The following GCNT2 variants were observed in gnomAD, a reference collection of about 807,000 sequenced individuals.
GCNT2 encodes the protein glucosaminyl (N-acetyl) transferase 2 (I blood group), also known as N-acetyllactosaminide beta-1,6-N-acetylglucosaminyl-transferase.
In GCNT2, 34 loss-of-function variants were observed where a neutral mutation model predicts 34.2. The observed-to-expected ratio is 1.00, with a 90% CI of 0.76 to 1.32. The LOEUF is 1.32. GCNT2 is among the 40% of genes most tolerant of loss of function. The probability of loss-of-function intolerance (pLI) is 0.00; values close to 1 mark genes in which losing one functional copy is unlikely to be tolerated. For synonymous variants in GCNT2, 212 were observed against 188.0 expected, an observed-to-expected ratio of 1.13 and a Z score of -1.04; for missense variants, 584 against 489.4, an observed-to-expected ratio of 1.19 and a Z score of -1.82.
rs112275578 is a variant in GCNT2 at position 10,561,462 on chromosome 6, T to C, written c.925+31626T>C. Among the ~76,000 whole-genome samples the C allele has an allele frequency of 6.1e-4, 93 of 152,340 alleles. 2 individuals are homozygous for C. In the South Asian group the frequency reaches 0.013, roughly 21 times the overall value. On this transcript the variant is annotated intron_variant, in intron 3 of 4. Coordinates refer to ENST00000495262, the MANE Select transcript of GCNT2 (RefSeq NM_145649.5). The stretch of plus-strand genomic sequence containing the variant: ...CAGGTATGAACCACTGTGCCTGGCT[T>C]TTGCAGCATTTTCATCTGCCTATCT...
At chr6:10,572,375 G>C (rs1019587573) in intron 3 of GCNT2, among the ~76,000 whole-genome samples, 3 of 152,092 alleles carry the variant, frequency 2.0e-5, no homozygotes, top group African/African-American at 7.2e-5. Context: ...CATTTATAAC[G>C]CTTTTCCCAT....
chr6:10,535,756 G>A (rs1669837562), intron 3 of GCNT2, among the ~76,000 whole-genome samples: 1 of 152,184 alleles, frequency 6.6e-6, no homozygotes, highest in African/African-American at 2.4e-5. Flanking sequence ...CCTGGGAGCA[G>A]GCTTTGTGGG....
At position 10,536,077 on chromosome 6, in the gene GCNT2, G is replaced by C. The variant is rs747482866; in HGVS notation, c.925+6241G>C. Among the ~76,000 whole-genome samples, 120 of 152,248 alleles carry C rather than the reference G, an allele frequency of 7.9e-4. 2 individuals are homozygous for C. Among genetic ancestry groups the C allele is most frequent in the Middle Eastern group, 6.8e-3 (2 of 294 alleles). ...TAAAAATGCAATGCTGAGGTTCCAG[G>C]TGCCGAGACCTTGAGAGATGCAAAT... On this transcript the variant is annotated intron_variant, in intron 3 of 4. Coordinates refer to ENST00000495262, the MANE Select transcript of GCNT2 (RefSeq NM_145649.5).
intron 3 of GCNT2, chr6:10,586,012 T>G (rs1764326194): frequency 6.2e-7 from 1 of 1,614,088 alleles, no homozygotes. Flanking sequence ...AGGTACTGCT[T>G]TTTTGCTTTC....
At chr6:10,540,000 C>T (rs991029812) in intron 3 of GCNT2, among the ~76,000 whole-genome samples, 5 of 152,044 alleles carry the variant, frequency 3.3e-5, no homozygotes, top group African/African-American at 9.6e-5. Context: ...ATCGCTTGAG[C>T]ACGGGAGGTC....
At chr6:10,604,669 T>C (rs1168794487) in intron 3 of GCNT2, among the ~76,000 whole-genome samples, 1 of 152,062 alleles carries the variant, frequency 6.6e-6, no homozygotes, top group African/African-American at 2.4e-5. Flanking sequence ...GAGACCAGCC[T>C]GGGCAACATG....
chr6:10,580,289 G>A (rs1352222707), intron 3 of GCNT2, among the ~76,000 whole-genome samples: 1 of 152,058 alleles, frequency 6.6e-6, no homozygotes, highest in Non-Finnish European at 1.5e-5. Flanking sequence ...GGGGAGGGAT[G>A]CAGGCTCTCT....
At chr6:10,594,739 A>G (rs1160483723) in intron 3 of GCNT2, among the ~76,000 whole-genome samples, 1 of 152,246 alleles carries the variant, frequency 6.6e-6, no homozygotes, top group Non-Finnish European at 1.5e-5. Flanking sequence ...TCACTATAGA[A>G]GGATGTCTAT....
intron 3 of GCNT2, among the ~76,000 whole-genome samples, chr6:10,603,817 C>CTTTTTTTTTTTTTTTT (rs571206713): frequency 8.7e-6 from 1 of 114,744 alleles, no homozygotes; most frequent in Non-Finnish European, 1.7e-5. Flanking sequence ...GCCTGACAGT[C>CTTTTTTTTTTTTTTTT]TTTTTTTTTT....
At chr6:10,593,772 C>T (rs1277717471) in intron 3 of GCNT2, among the ~76,000 whole-genome samples, 1 of 152,090 alleles carries the variant, frequency 6.6e-6, no homozygotes, top group African/African-American at 2.4e-5. Flanking sequence ...AATATATACT[C>T]GACGTCTAAA....
chr6:10,532,282 C>A (rs930593439), intron 3 of GCNT2, among the ~76,000 whole-genome samples: 1 of 152,272 alleles, frequency 6.6e-6, no homozygotes, highest in African/African-American at 2.4e-5. Context: ...GATTTTTACA[C>A]CCCGTGTTAG....
chr6:10,602,559 T>C (rs1288379721), intron 3 of GCNT2, among the ~76,000 whole-genome samples: 1 of 152,130 alleles, frequency 6.6e-6, no homozygotes, highest in South Asian at 2.1e-4. Context: ...GACTTAGCAA[T>C]CTATATATAC....
intron 3 of GCNT2, among the ~76,000 whole-genome samples, chr6:10,596,243 G>T (rs928536577): frequency 2.0e-5 from 3 of 152,102 alleles, no homozygotes; most frequent in African/African-American, 7.2e-5. Flanking sequence ...TTTCCATTCA[G>T]CTGGGTGCAG....
At chr6:10,607,375 G>A (rs948184314) in intron 3 of GCNT2, among the ~76,000 whole-genome samples, 2 of 152,120 alleles carry the variant, frequency 1.3e-5, no homozygotes, top group African/African-American at 2.4e-5. Context: ...AGAGCAGAAC[G>A]GGGAGATGCC....
chr6:10,524,198 G>A (rs72821515), intron 1 of GCNT2, among the ~76,000 whole-genome samples: 2,267 of 151,438 alleles, frequency 0.015, 25 homozygotes, highest in South Asian at 0.026. Flanking sequence ...ACGGCTCCAA[G>A]CCTGTTAAGA....
At chr6:10,534,958 C>T (rs1561782550) in intron 3 of GCNT2, among the ~76,000 whole-genome samples, 3 of 152,080 alleles carry the variant, frequency 2.0e-5, no homozygotes, top group Non-Finnish European at 2.9e-5. Context: ...CTGAGGTGGG[C>T]GGATCACCTG....
chr6:10,565,115 CGTG>C (rs1406194302), intron 3 of GCNT2, among the ~76,000 whole-genome samples: 1 of 152,144 alleles, frequency 6.6e-6, no homozygotes, highest in Non-Finnish European at 1.5e-5. Context: ...TCGCAAAGGT[CGTG>C]GGTGAGCCTG....
chr6:10,565,479 G>A (rs762638587), intron 3 of GCNT2, among the ~76,000 whole-genome samples: 2 of 152,080 alleles, frequency 1.3e-5, no homozygotes, highest in African/African-American at 4.8e-5. Context: ...ATTTTCCCAC[G>A]ACCAGCTATC....
chr6:10,526,524 A>G lies in GCNT2; in HGVS notation c.-468-950A>G, dbSNP rs546884433. 5.6e-4 allele frequency among the ~76,000 whole-genome samples: 86 copies of G among 152,324 alleles called. 3 individuals carry two copies. In the South Asian group the frequency reaches 0.017, roughly 30 times the overall value. ...GAAGCACTATGGAAAATGTTATTGT[A>G]TAATAGTAAGTGCAGAATGCAGGAT... On this transcript the variant is annotated intron_variant, in intron 1 of 4. Transcript: ENST00000495262.
Sources: allele counts gnomAD v4.1 joint callset (sites outside exome capture counted in the v4.1 genomes callset), GRCh38; gene constraint gnomAD v4.1.1; transcripts MANE v1.5; gene names NCBI Gene and HGNC (gene_info 2026-07-23, HGNC 2026-07-21).